TMEM63C: variants seen among roughly 807,000 people sequenced by gnomAD.
TMEM63C encodes transmembrane protein 63C.
TMEM63C carries 32 observed loss-of-function variants against 99.2 expected under a neutral mutation model. The ratio of observed to expected loss-of-function variants is 0.32; its 90% CI spans 0.24 to 0.43. The LOEUF (loss-of-function observed/expected upper bound fraction) is 0.43. Among genes scored for constraint, TMEM63C ranks in the 20% least tolerant of loss-of-function variants. TMEM63C has a pLI of 1.00. For missense variants in TMEM63C, 826 were observed against 1,053.0 expected (o/e 0.78, Z 2.98); for synonymous variants, 376 against 397.9 (o/e 0.94, Z 0.66).
intron 5 of TMEM63C, 115 bp downstream of exon 5, chr14:77,220,202 A>G (rs1888666598): frequency 1.0e-6 from 1 of 990,320 alleles, no homozygotes; most frequent in Non-Finnish European, 1.5e-6. Flanking sequence ...GCCAGCCTCA[A>G]CCACTCTGGC....
intron 5 of TMEM63C, among the ~76,000 whole-genome samples, chr14:77,222,651 A>G (rs1888746288): frequency 6.6e-6 from 1 of 152,062 alleles, no homozygotes. Flanking sequence ...TTAGCTTCTC[A>G]ACAGGGCCAC....
chr14:77,236,720 G>T lies in TMEM63C; in HGVS notation c.639G>T (p.Arg213Ser). The T allele has an allele frequency of 6.2e-7, 1 of 1,611,318 alleles. No homozygotes were observed. The highest frequency in any genetic ancestry group is 8.5e-7 in the Non-Finnish European group (1 of 1,178,122). ...MAHHCLGFAP[R>S]NSQKVTRTLM... is the part of the protein sequence containing the mutation. ...ATCACTGCCTGGGGTTTGCACCCAG[G>T]AATAGCCAAAAGGTAAGTAGCCTAC... Residue 213 changes from arginine (R) to serine (S), a missense_variant, in exon 9 of 24, where the codon AGG becomes AGT. Coordinates refer to ENST00000298351, the MANE Select transcript of TMEM63C (RefSeq NM_020431.4).
At chr14:77,255,362 G>A (rs1000249727) in intron 23 of TMEM63C, among the ~76,000 whole-genome samples, 4 of 152,140 alleles carry the variant, frequency 2.6e-5, no homozygotes, top group Admixed American at 1.3e-4. Flanking sequence ...ACACCCAGCC[G>A]GTATTCAAAT....
intron 5 of TMEM63C, among the ~76,000 whole-genome samples, chr14:77,220,880 A>C (rs1327341377): frequency 4.4e-5 from 3 of 67,820 alleles, no homozygotes; most frequent in Non-Finnish European, 9.6e-5. Flanking sequence ...CCTCCCACTC[A>C]CGCCCCGCCT....
At chr14:77,224,705 A>G (rs2140113765) in intron 5 of TMEM63C, among the ~76,000 whole-genome samples, 1 of 152,226 alleles carries the variant, frequency 6.6e-6, no homozygotes, top group East Asian at 1.9e-4. Flanking sequence ...ACCGGACAGG[A>G]CCCTCAGCAC....
intron 1 of TMEM63C, among the ~76,000 whole-genome samples, chr14:77,209,793 GC>G (rs1202229723): frequency 6.6e-6 from 1 of 152,150 alleles, no homozygotes; most frequent in Non-Finnish European, 1.5e-5. Context: ...GAATAAGGGG[GC>G]TAGTGGGGCA....
At chr14:77,203,680 C>T (rs1253099120) in intron 1 of TMEM63C, among the ~76,000 whole-genome samples, 2 of 152,270 alleles carry the variant, frequency 1.3e-5, no homozygotes, top group African/African-American at 2.4e-5. Context: ...CTCTTCAGCA[C>T]CTAGCTCGGG....
At position 77,242,992 on chromosome 14, in the gene TMEM63C, C is replaced by T. The variant is rs376516019; in HGVS notation, c.1277C>T (p.Thr426Met). The T allele has an allele frequency of 5.5e-5, 89 of 1,613,906 alleles. No individual in the cohort carries two copies. The highest frequency in any genetic ancestry group is 2.9e-4 in the South Asian group (26 of 91,074). Residue 426 changes from threonine to methionine, a missense_variant, in exon 15 of 24, where the codon ACG becomes ATG. Coordinates refer to ENST00000298351, the MANE Select transcript of TMEM63C (RefSeq NM_020431.4). Reference sequence around the variant, plus strand: ...TTCTTCCTCTTCTTCTTTCTCACCACGCCTGCCATCATCATGAACACTATC... The same window carrying T: ...TTCTTCCTCTTCTTCTTTCTCACCATGCCTGCCATCATCATGAACACTATC... Reference protein sequence around the residue: ...FLFFLFFFLTTPAIIMNTIDM... With the variant: ...FLFFLFFFLTMPAIIMNTIDM...
At chr14:77,235,143 A>G (rs1330449439) in intron 8 of TMEM63C, among the ~76,000 whole-genome samples, 1 of 151,744 alleles carries the variant, frequency 6.6e-6, no homozygotes, top group Non-Finnish European at 1.5e-5. Flanking sequence ...CAGAGTAAAC[A>G]CTCAATAAAC....
intron 16 of TMEM63C, among the ~76,000 whole-genome samples, chr14:77,245,118 C>T (rs1889247263): frequency 6.6e-6 from 1 of 152,250 alleles, no homozygotes; most frequent in African/African-American, 2.4e-5. Flanking sequence ...AACGGAAATC[C>T]TTCCTGGCCT....
chr14:77,198,491 G>A (rs755704499), intron 1 of TMEM63C, among the ~76,000 whole-genome samples: 4 of 152,220 alleles, frequency 2.6e-5, no homozygotes, highest in African/African-American at 4.8e-5. Context: ...CGTAGAGTCA[G>A]GGTGAGGGCA....
chr14:77,251,691 C>T (rs1889362385), intron 21 of TMEM63C, 98 bp from the exon 22 acceptor site: 2 of 919,686 alleles, frequency 2.2e-6, no homozygotes, highest in Non-Finnish European at 1.8e-6. Context: ...AAGGTCAAAG[C>T]CCTTGCAGTG....
At chr14:77,253,689 G>A (rs1457031004) in intron 23 of TMEM63C, among the ~76,000 whole-genome samples, 1 of 152,230 alleles carries the variant, frequency 6.6e-6, no homozygotes, top group South Asian at 2.1e-4. Context: ...ACGCAGGGGG[G>A]CCTGCTGAGG....
chr14:77,233,369 G>T (rs759847082), intron 7 of TMEM63C, 83 bp from the exon 8 acceptor site: 109 of 1,409,666 alleles, frequency 7.7e-5, no homozygotes, highest in Non-Finnish European at 1.0e-4. Flanking sequence ...CAGACCCCAC[G>T]CATTTGTCCA....
At chr14:77,196,900 G>A (rs1345579673) in intron 1 of TMEM63C, among the ~76,000 whole-genome samples, 1 of 152,090 alleles carries the variant, frequency 6.6e-6, no homozygotes, top group Non-Finnish European at 1.5e-5. Context: ...CCTCAGCCCA[G>A]CCTGTGCCCC....
intron 2 of TMEM63C, among the ~76,000 whole-genome samples, chr14:77,215,833 ACTT>A (rs1439421592): frequency 2.0e-5 from 3 of 151,664 alleles, no homozygotes; most frequent in Admixed American, 1.3e-4. Context: ...CCCTCCTCCT[ACTT>A]CTTCTACTGA....
chr14:77,247,910 GC>G (rs1260674925), intron 18 of TMEM63C, among the ~76,000 whole-genome samples: 2 of 152,126 alleles, frequency 1.3e-5, no homozygotes, highest in Non-Finnish European at 2.9e-5. Flanking sequence ...CTGCCGTATT[GC>G]CCACATTCTT....
intron 5 of TMEM63C, among the ~76,000 whole-genome samples, chr14:77,222,969 T>C (rs1431238558): frequency 6.6e-6 from 1 of 152,210 alleles, no homozygotes; most frequent in African/African-American, 2.4e-5. Flanking sequence ...CAGCCTGCCA[T>C]GTACTTAGCA....
intron 7 of TMEM63C, 107 bp from the exon 8 acceptor site, chr14:77,233,345 A>C: frequency 8.4e-7 from 1 of 1,185,990 alleles, no homozygotes; most frequent in Non-Finnish European, 1.2e-6. Flanking sequence ...GAGGAGGTCA[A>C]AGGCAAGCAT....
Sources: allele counts gnomAD v4.1 joint callset (sites outside exome capture counted in the v4.1 genomes callset), GRCh38; gene constraint gnomAD v4.1.1; transcripts MANE v1.5; gene names NCBI Gene and HGNC (gene_info 2026-07-23, HGNC 2026-07-21).